The following ERC1 variants were observed in gnomAD, a reference collection of about 807,000 sequenced individuals.
ERC1 encodes RAB6 interacting protein 2.
ERC1 carries 56 observed loss-of-function variants against 132.0 expected under a neutral mutation model. The ratio of observed to expected loss-of-function variants is 0.42; its 90% CI spans 0.34 to 0.53. ERC1 has a LOEUF of 0.53. Ranked by LOEUF, ERC1 falls within the 20% of genes least tolerant of loss-of-function variation. The pLI is 0.03. For missense variants in ERC1, 1,202 were observed against 1,349.9 expected (o/e 0.89, Z 1.72); for synonymous variants, 478 against 476.1 (o/e 1.00, Z -0.05).
At chr12:1,413,933 G>C (rs187841433) in intron 17 of ERC1, among the ~76,000 whole-genome samples, 2 of 152,170 alleles carry the variant, frequency 1.3e-5, no homozygotes, top group Non-Finnish European at 2.9e-5. Context: ...TTTCCACAAC[G>C]GGGGCTTGGG....
At chr12:1,347,621 A>G (rs1470445880) in intron 15 of ERC1, among the ~76,000 whole-genome samples, 2 of 152,202 alleles carry the variant, frequency 1.3e-5, no homozygotes, top group Non-Finnish European at 2.9e-5. Flanking sequence ...TTTGTGATTG[A>G]TACCACTTTT....
intron 13 of ERC1, among the ~76,000 whole-genome samples, chr12:1,254,447 C>A (rs999014468): frequency 6.6e-6 from 1 of 152,130 alleles, no homozygotes; most frequent in Admixed American, 6.5e-5. Flanking sequence ...ATGGCAAAAA[C>A]CACAATTACT....
intron 2 of ERC1, among the ~76,000 whole-genome samples, chr12:1,079,183 A>G (rs1941830356): frequency 6.7e-6 from 1 of 148,502 alleles, no homozygotes; most frequent in Non-Finnish European, 1.5e-5. Context: ...AATGATTTGT[A>G]ATATGACAAA....
At chr12:1,277,437 A>G (rs1472928929) in intron 14 of ERC1, among the ~76,000 whole-genome samples, 1 of 152,210 alleles carries the variant, frequency 6.6e-6, no homozygotes, top group East Asian at 1.9e-4. Context: ...GGACTTGGAA[A>G]TAGGTTCATA....
intron 2 of ERC1, among the ~76,000 whole-genome samples, chr12:1,073,843 A>G (rs1478548175): frequency 7.0e-6 from 1 of 142,470 alleles, no homozygotes; most frequent in African/African-American, 2.5e-5. Context: ...CAACATTATG[A>G]TGGCTATGAC....
intron 12 of ERC1, among the ~76,000 whole-genome samples, chr12:1,213,877 T>A (rs1958119178): frequency 6.6e-6 from 1 of 152,048 alleles, no homozygotes; most frequent in Admixed American, 6.6e-5. Flanking sequence ...GCACTCAGCC[T>A]TGGTGACAGA....
chr12:1,093,957 C>CTATATATA (rs202076174), intron 3 of ERC1, among the ~76,000 whole-genome samples: 3,447 of 68,806 alleles, frequency 0.05, 319 homozygotes, highest in Admixed American at 0.13. Context: ...ATATATTTTT[C>CTATATATA]TATATATATA....
chr12:1,207,427 AT>A (rs1398187313), intron 12 of ERC1, among the ~76,000 whole-genome samples: 1 of 152,148 alleles, frequency 6.6e-6, no homozygotes, highest in African/African-American at 2.4e-5. Flanking sequence ...TATTATTTGC[AT>A]TTTTAGCTTC....
At chr12:1,055,870 G>A (rs1250164705) in intron 2 of ERC1, among the ~76,000 whole-genome samples, 5 of 152,194 alleles carry the variant, frequency 3.3e-5, no homozygotes, top group African/African-American at 7.2e-5. Flanking sequence ...CTGGCTGGGC[G>A]TGGGTGGCTC....
intron 8 of ERC1, among the ~76,000 whole-genome samples, chr12:1,170,479 C>T (rs943368982): frequency 6.6e-6 from 1 of 152,168 alleles, no homozygotes; most frequent in African/African-American, 2.4e-5. Context: ...CCATTCACAT[C>T]GATGATGTGA....
At position 1,456,123 on chromosome 12, in the gene ERC1, C is replaced by T. The variant is rs138496227; in HGVS notation, c.3213+11373C>T. Among the ~76,000 whole-genome samples the T allele has an allele frequency of 3.9e-3, 596 of 152,296 alleles. 3 individuals are homozygous for T. Among genetic ancestry groups the T allele is most frequent in the African/African-American group, 0.013 (558 of 41,558 alleles). On this transcript the variant is annotated intron_variant, in intron 18 of 18. Transcript: ENST00000360905. The stretch of plus-strand genomic sequence containing the variant: ...CCTGCAACAATAAACTTCAACTTTG[C>T]AATTTGTCACCAGTGCAATGGCTCA...
intron 3 of ERC1, among the ~76,000 whole-genome samples, chr12:1,095,857 G>A (rs1346406920): frequency 6.6e-6 from 1 of 152,002 alleles, no homozygotes; most frequent in Non-Finnish European, 1.5e-5. Flanking sequence ...GTTTTAAAAC[G>A]TCTTTGTAGA....
At chr12:1,201,548 A>C (rs1956916526) in intron 12 of ERC1, among the ~76,000 whole-genome samples, 1 of 152,236 alleles carries the variant, frequency 6.6e-6, no homozygotes, top group Admixed American at 6.5e-5. Context: ...TAGGTTGACC[A>C]AAAACGGTTT....
chr12:990,394 GCTGCGAGT>G (rs1038207115), upstream of ERC1: 1 of 152,102 alleles, frequency 6.6e-6, no homozygotes, highest in African/African-American at 2.4e-5. Flanking sequence ...ACCAAAGCCG[GCTGCGAGT>G]CTGCACGAGA....
intron 12 of ERC1, among the ~76,000 whole-genome samples, chr12:1,198,552 T>G (rs904417686): frequency 5.3e-5 from 8 of 152,228 alleles, no homozygotes; most frequent in African/African-American, 1.9e-4. Flanking sequence ...GTGGTTAATT[T>G]TATCTTCTTT....
intron 15 of ERC1, among the ~76,000 whole-genome samples, chr12:1,320,438 C>A (rs541860579): frequency 7.9e-5 from 12 of 152,118 alleles, no homozygotes; most frequent in Non-Finnish European, 1.5e-4. Context: ...CATTACTCAC[C>A]CTTTTCTTTC....
At chr12:1,171,886 G>A (rs1953103570) in intron 8 of ERC1, among the ~76,000 whole-genome samples, 1 of 152,172 alleles carries the variant, frequency 6.6e-6, no homozygotes, top group Non-Finnish European at 1.5e-5. Flanking sequence ...ACTGGGCAGG[G>A]CTGATAAAAG....
At chr12:1,092,959 A>G (rs1943443233) in intron 3 of ERC1, among the ~76,000 whole-genome samples, 1 of 152,092 alleles carries the variant, frequency 6.6e-6, no homozygotes. Flanking sequence ...CTGCCTCAAA[A>G]ACAAACAAAC....
At chr12:1,043,773 G>A (rs1343652587) in intron 2 of ERC1, among the ~76,000 whole-genome samples, 5 of 152,252 alleles carry the variant, frequency 3.3e-5, no homozygotes, top group South Asian at 4.1e-4. Flanking sequence ...ATTATACTTC[G>A]TTTTGTTTGT....
Sources: allele counts gnomAD v4.1 joint callset (sites outside exome capture counted in the v4.1 genomes callset), GRCh38; gene constraint gnomAD v4.1.1; transcripts MANE v1.5; gene names NCBI Gene and HGNC (gene_info 2026-07-23, HGNC 2026-07-21).